PRKN: variants seen among roughly 807,000 people sequenced by gnomAD.
PRKN encodes the protein parkin RBR E3 ubiquitin protein ligase.
PRKN carries 56 observed loss-of-function variants against 59.5 expected under a neutral mutation model. The ratio of observed to expected loss-of-function variants is 0.94; its 90% CI spans 0.76 to 1.18. The LOEUF (loss-of-function observed/expected upper bound fraction) is 1.18. Among genes scored for constraint, PRKN ranks in the 50% most tolerant of loss-of-function variants. The probability of loss-of-function intolerance (pLI) is 0.00; values close to 1 mark genes in which losing one functional copy is unlikely to be tolerated. For missense variants in PRKN, 657 were observed against 596.4 expected (o/e 1.10, Z -1.06); for synonymous variants, 250 against 222.1 (o/e 1.13, Z -1.12).
chr6:162,678,853 C>T (rs1422939594), intron 1 of PRKN, among the ~76,000 whole-genome samples: 1 of 152,186 alleles, frequency 6.6e-6, no homozygotes, highest in Admixed American at 6.5e-5. Context: ...TGGCTCACTG[C>T]AACCTCTGCC....
At chr6:161,649,566 G>A (rs1034018868) in intron 7 of PRKN, among the ~76,000 whole-genome samples, 5 of 152,178 alleles carry the variant, frequency 3.3e-5, no homozygotes, top group African/African-American at 4.8e-5. Flanking sequence ...GTTTAGAGAC[G>A]TAGTTCATGG....
At chr6:162,257,482 T>G (rs1779689630) in intron 3 of PRKN, among the ~76,000 whole-genome samples, 1 of 152,144 alleles carries the variant, frequency 6.6e-6, no homozygotes, top group Non-Finnish European at 1.5e-5. Context: ...TTTCACCTGA[T>G]AGCTATATTC....
chr6:161,575,470 G>A lies in PRKN; in HGVS notation c.872-6054C>T, dbSNP rs577812900. Among the ~76,000 whole-genome samples, 2 of 152,236 alleles carry A rather than the reference G, an allele frequency of 1.3e-5. No homozygotes were observed. The highest frequency in any genetic ancestry group is 2.1e-4 in the South Asian group (1 of 4,820). On this transcript the variant is annotated intron_variant, in intron 7 of 11. Transcript: ENST00000366898. The surrounding 1 kb of genome is among the most constrained non-coding windows in gnomAD (Gnocchi z 4.6). ...GCCATAATGTTTTCAGAAAGCTTTC[G>A]GTGAATTTCCTCAACAATCATGCTG...
chr6:162,363,922 T>C (rs1785284318), intron 2 of PRKN, among the ~76,000 whole-genome samples: 1 of 152,156 alleles, frequency 6.6e-6, no homozygotes, highest in Admixed American at 6.5e-5. Context: ...GCATGCGGCT[T>C]GCTATAACAG....
intron 5 of PRKN, 34 bp downstream of exon 5, chr6:162,054,057 G>A (rs1332245286): frequency 2.3e-6 from 3 of 1,314,210 alleles, no homozygotes; most frequent in Non-Finnish European, 3.3e-6. Context: ...TCATTTTCTT[G>A]CAATAAGAGG....
At chr6:161,815,607 G>A (rs1791741944) in intron 6 of PRKN, among the ~76,000 whole-genome samples, 2 of 152,212 alleles carry the variant, frequency 1.3e-5, no homozygotes, top group African/African-American at 2.4e-5. Context: ...ACAGTGACAT[G>A]AGACAATGTG....
chr6:161,635,849 G>T (rs956686292), intron 7 of PRKN, among the ~76,000 whole-genome samples: 7 of 152,200 alleles, frequency 4.6e-5, no homozygotes, highest in African/African-American at 1.7e-4. Flanking sequence ...AATCCTGAAA[G>T]AGCTCTAATT....
At chr6:161,915,685 T>G (rs1231436402) in intron 6 of PRKN, among the ~76,000 whole-genome samples, 1 of 152,124 alleles carries the variant, frequency 6.6e-6, no homozygotes, top group Non-Finnish European at 1.5e-5. Context: ...TTTGTGGATC[T>G]AAGCAGGCCA....
chr6:162,017,768 T>G (rs1385709628), intron 5 of PRKN, among the ~76,000 whole-genome samples: 1 of 152,232 alleles, frequency 6.6e-6, no homozygotes, highest in African/African-American at 2.4e-5. Flanking sequence ...AGCAAGGGAC[T>G]ATATATAGGC....
At chr6:162,611,924 G>A (rs971932900) in intron 1 of PRKN, among the ~76,000 whole-genome samples, 15 of 152,004 alleles carry the variant, frequency 9.9e-5, no homozygotes, top group Admixed American at 3.9e-4. Flanking sequence ...GGTGGCTCAC[G>A]CCTGTAATCC....
At chr6:161,490,161 CAT>C (rs1013926312) in intron 9 of PRKN, among the ~76,000 whole-genome samples, 3 of 152,188 alleles carry the variant, frequency 2.0e-5, no homozygotes, top group Non-Finnish European at 4.4e-5. Context: ...AGCTGACAAA[CAT>C]AAGGCCAAGG....
At chr6:162,672,685 AGTGTGTGT>A (rs56722608) in intron 1 of PRKN, among the ~76,000 whole-genome samples, 27,709 of 148,818 alleles carry the variant, frequency 0.19, 2,948 homozygotes, top group East Asian at 0.46. Context: ...TTGGGGGAAA[AGTGTGTGT>A]GTGTGTGTGT....
In PRKN at chr6:161,401,907, A is replaced by C. The variant is rs1014310134; in HGVS notation, c.1084-15030T>G. ...AGAGGTCTGAGATGTTTGTTCACACACCAATCTCTGGAGCGGAAGCCGTTA... is the reference window on the plus strand; with the variant it reads ...AGAGGTCTGAGATGTTTGTTCACACCCCAATCTCTGGAGCGGAAGCCGTTA... On this transcript the variant is annotated intron_variant, in intron 9 of 11. Transcript: ENST00000366898. This position sits in a 1 kb window ranked among gnomAD's most constrained non-coding sequence, Gnocchi z 4.4. Among the ~76,000 whole-genome samples the C allele has an allele frequency of 3.9e-5, 6 of 152,162 alleles. No individual in the cohort carries two copies. The highest frequency in any genetic ancestry group is 1.4e-4 in the African/African-American group (6 of 41,438).
chr6:162,491,983 G>A (rs1280941110), intron 1 of PRKN, among the ~76,000 whole-genome samples: 4 of 152,134 alleles, frequency 2.6e-5, no homozygotes, highest in Admixed American at 6.6e-5. Flanking sequence ...GCTGTCTCTG[G>A]GCCATCTGGA....
rs55714271 is a variant in PRKN at position 161,897,966 on chromosome 6, C to CAAAAAAAAAAAAAAAAAAAAAAAA, written c.734+75335_734+75336insTTTTTTTTTTTTTTTTTTTTTTTT. ...TGGGTGACAGAGCGAGACTCCGTCT[C>CAAAAAAAAAAAAAAAAAAAAAAAA]AAAAAAAAAAAAAAAAAAGTCTCCC... On this transcript the variant is annotated intron_variant, in intron 6 of 11. Transcript: ENST00000366898. Among the ~76,000 whole-genome samples, 54 of 38,242 alleles carry CAAAAAAAAAAAAAAAAAAAAAAAA rather than the reference C, an allele frequency of 1.4e-3. 2 individuals carry two copies. The highest frequency in any genetic ancestry group is 1.6e-3 in the Non-Finnish European group (34 of 21,882). 25.1% of individuals were successfully genotyped at this position (38,242 alleles called of 152,430 possible).
At chr6:162,007,311 C>A (rs1351718776) in intron 5 of PRKN, among the ~76,000 whole-genome samples, 1 of 152,070 alleles carries the variant, frequency 6.6e-6, no homozygotes, top group African/African-American at 2.4e-5. Flanking sequence ...GGGGTTCATT[C>A]TTTCATGCTA....
chr6:162,533,369 C>CA, intron 1 of PRKN, among the ~76,000 whole-genome samples: 1 of 151,718 alleles, frequency 6.6e-6, no homozygotes, highest in South Asian at 2.1e-4. Flanking sequence ...ACTATAAATA[C>CA]AAAAAAAAGT....
At chr6:162,501,390 C>T (rs1294474769) in intron 1 of PRKN, among the ~76,000 whole-genome samples, 4 of 151,526 alleles carry the variant, frequency 2.6e-5, no homozygotes, top group Non-Finnish European at 4.4e-5. Flanking sequence ...CTCTGTCACC[C>T]AGGCTGGAGT....
At chr6:161,874,411 T>G (rs1443587924) in intron 6 of PRKN, among the ~76,000 whole-genome samples, 1 of 84,454 alleles carries the variant, frequency 1.2e-5, no homozygotes, top group African/African-American at 4.6e-5. Context: ...ATATTATATA[T>G]AAAATATATA....
Sources: allele counts gnomAD v4.1 joint callset (sites outside exome capture counted in the v4.1 genomes callset), GRCh38; gene constraint gnomAD v4.1.1; non-coding constraint Gnocchi (gnomAD v3.1); transcripts MANE v1.5; gene names NCBI Gene and HGNC (gene_info 2026-07-23, HGNC 2026-07-21).